SCLT1: variants seen among roughly 807,000 people sequenced by gnomAD.
The protein encoded by SCLT1 is sodium channel-associated protein 1.
In SCLT1, 78 loss-of-function variants were observed where a neutral mutation model predicts 112.8. The observed-to-expected ratio is 0.69, with a 90% confidence interval of 0.58 to 0.83. The LOEUF (loss-of-function observed/expected upper bound fraction) is 0.83. SCLT1 is among the 40% of genes least tolerant of loss of function. The probability of loss-of-function intolerance (pLI) is 0.00; values close to 1 mark genes in which losing one functional copy is unlikely to be tolerated. For missense variants in SCLT1, 747 were observed against 770.4 expected, an observed-to-expected ratio of 0.97 and a Z score of 0.36; for synonymous variants, 257 against 254.7, an observed-to-expected ratio of 1.01 and a Z score of -0.09.
At chr4:128,927,819 A>C (rs1736417314) in intron 18 of SCLT1, among the ~76,000 whole-genome samples, 1 of 152,040 alleles carries the variant, frequency 6.6e-6, no homozygotes, top group Non-Finnish European at 1.5e-5. Flanking sequence ...GAAAAGATTA[A>C]AAATCAAAGG....
intron 18 of SCLT1, among the ~76,000 whole-genome samples, chr4:128,893,089 T>C (rs893098240): frequency 2.0e-5 from 3 of 152,146 alleles, no homozygotes; most frequent in Non-Finnish European, 2.9e-5. Context: ...GTGAGTATAA[T>C]TGAGATTAAG....
chr4:129,060,096 C>A (rs1205747050), intron 2 of SCLT1, among the ~76,000 whole-genome samples: 2 of 152,060 alleles, frequency 1.3e-5, no homozygotes, highest in Admixed American at 1.3e-4. Context: ...ATTCTTTGTT[C>A]TGCTTGATCA....
At chr4:129,054,786 C>T (rs1749195727) in intron 2 of SCLT1, among the ~76,000 whole-genome samples, 1 of 152,034 alleles carries the variant, frequency 6.6e-6, no homozygotes. Context: ...CAGTTCTCTG[C>T]CCTTGCAGAA....
intron 5 of SCLT1, 80 bp from the exon 6 acceptor site, chr4:129,003,956 T>C: frequency 7.8e-7 from 1 of 1,280,722 alleles, no homozygotes; most frequent in Non-Finnish European, 1.1e-6. Flanking sequence ...ATTAAACATT[T>C]GGGTCAACAA....
At chr4:129,054,055 T>C (rs1409655214) in intron 2 of SCLT1, among the ~76,000 whole-genome samples, 1 of 152,200 alleles carries the variant, frequency 6.6e-6, no homozygotes, top group Non-Finnish European at 1.5e-5. Flanking sequence ...TGAAAATTCT[T>C]TGAGATTGTT....
At chr4:128,985,495 T>C (rs547455325) in intron 9 of SCLT1, among the ~76,000 whole-genome samples, 30 of 152,314 alleles carry the variant, frequency 2.0e-4, no homozygotes, top group Non-Finnish European at 4.0e-4. Context: ...GAAATGCTTA[T>C]TCATATCGTT....
intron 14 of SCLT1, 36 bp from the exon 15 acceptor site, chr4:128,948,606 T>G: frequency 6.9e-7 from 1 of 1,451,432 alleles, no homozygotes; most frequent in Non-Finnish European, 9.5e-7. Context: ...TATATACATT[T>G]GGTAACATCT....
At chr4:128,946,970 G>A (rs1005672316) in intron 15 of SCLT1, among the ~76,000 whole-genome samples, 1 of 152,178 alleles carries the variant, frequency 6.6e-6, no homozygotes, top group Non-Finnish European at 1.5e-5. Context: ...TTCATACGTT[G>A]AAGCAAATCC....
At chr4:128,972,798 C>A (rs1283436003) in intron 9 of SCLT1, among the ~76,000 whole-genome samples, 2 of 152,062 alleles carry the variant, frequency 1.3e-5, no homozygotes, top group African/African-American at 4.8e-5. Context: ...CTCTTTTGTT[C>A]ATTCTTTATA....
intron 9 of SCLT1, among the ~76,000 whole-genome samples, chr4:128,989,755 G>C (rs1443190019): frequency 6.6e-6 from 1 of 151,160 alleles, no homozygotes; most frequent in Non-Finnish European, 1.5e-5. Flanking sequence ...TAAATAAAAT[G>C]AGATGAAGGA....
chr4:128,897,917 A>G (rs1266934714), intron 18 of SCLT1, among the ~76,000 whole-genome samples: 1 of 152,210 alleles, frequency 6.6e-6, no homozygotes, highest in African/African-American at 2.4e-5. Flanking sequence ...AGATCAAAAG[A>G]GACAAAGAAG....
Position 128,957,357 on chromosome 4 carries a change from C to G in SCLT1, c.1048-233G>C, listed in dbSNP as rs377761193. Among the ~76,000 whole-genome samples, 14 of 152,070 alleles carry G rather than the reference C, an allele frequency of 9.2e-5. No homozygotes were observed. The East Asian group carries it at 9.6e-4, about 10-fold the overall frequency. ...TTATTTCAGCCAGTGTTTCTAACAC[C>G]CTTCTAATCTCTACAGCCAGAAATC... On this transcript the variant is annotated intron_variant, in intron 12 of 20. Transcript: ENST00000281142.
In SCLT1 at chr4:129,017,787, T is replaced by A. The variant is rs569604923; in HGVS notation, c.291-13911A>T. On this transcript the variant is annotated intron_variant, in intron 5 of 20. Transcript: ENST00000281142. ...AACGTTTTGGAGGCAAACAGTGTTA[T>A]CTGTATTATTAATAACACTAATAGC... Among the ~76,000 whole-genome samples, 4 of 152,334 alleles carry A rather than the reference T, an allele frequency of 2.6e-5. No homozygotes were observed. The South Asian group carries it at 8.3e-4, about 32-fold the overall frequency.
At chr4:128,873,837 T>G (rs1176301314) in intron 5 of SCLT1, 1 of 152,664 alleles carries the variant, frequency 6.6e-6, no homozygotes, top group East Asian at 1.9e-4. Context: ...CAGTTAACTT[T>G]CAAGTCTTCC....
intron 2 of SCLT1, among the ~76,000 whole-genome samples, chr4:129,079,308 C>T (rs937955599): frequency 6.6e-6 from 1 of 152,182 alleles, no homozygotes; most frequent in African/African-American, 2.4e-5. Flanking sequence ...AGACAAGACC[C>T]TTCTGCCTAT....
chr4:128,911,355 T>C (rs1283109915), intron 18 of SCLT1, among the ~76,000 whole-genome samples: 1 of 152,218 alleles, frequency 6.6e-6, no homozygotes, highest in Non-Finnish European at 1.5e-5. Context: ...ACAGATACTA[T>C]ACACTAATAA....
At chr4:129,036,858 C>T (rs971813709) in intron 5 of SCLT1, 3 of 151,246 alleles carry the variant, frequency 2.0e-5, no homozygotes, top group African/African-American at 7.3e-5. Flanking sequence ...TAGAAAAATA[C>T]AAATAAAAGA....
intron 15 of SCLT1, among the ~76,000 whole-genome samples, chr4:128,946,994 C>T (rs1176817266): frequency 6.6e-6 from 1 of 152,156 alleles, no homozygotes; most frequent in Non-Finnish European, 1.5e-5. Context: ...ACACAGCTAC[C>T]CCCAAAATCT....
At chr4:128,899,177 G>A (rs1487017437) in intron 18 of SCLT1, among the ~76,000 whole-genome samples, 1 of 152,166 alleles carries the variant, frequency 6.6e-6, no homozygotes, top group Non-Finnish European at 1.5e-5. Flanking sequence ...CATTTTATGA[G>A]GCCAGCATCA....
Sources: gnomAD v4.1 joint callset for allele counts (sites outside exome capture counted in the v4.1 genomes callset) on GRCh38, gnomAD v4.1.1 for gene constraint, MANE v1.5 for transcripts, NCBI Gene and HGNC (gene_info 2026-07-23, HGNC 2026-07-21) for gene names.